Variants in ADGRL3 observed in about 807,000 individuals in gnomAD.
The protein encoded by ADGRL3 is calcium-independent alpha-latrotoxin receptor 3.
Under a neutral mutation model 153.5 loss-of-function variants are expected in ADGRL3, and 62 were observed. The ratio of observed to expected loss-of-function variants is 0.40; its 90% CI spans 0.33 to 0.50. The LOEUF (loss-of-function observed/expected upper bound fraction) is 0.50, where lower values mean the gene tolerates loss of function less well. Among genes scored for constraint, ADGRL3 ranks in the 20% least tolerant of loss-of-function variants. ADGRL3 has a pLI of 0.47. For synonymous variants in ADGRL3, 710 were observed against 672.5 expected (o/e 1.06, Z -0.86); for missense variants, 1,641 against 1,859.4 (o/e 0.88, Z 2.16).
chr4:61,702,141 C>T (rs1200375790), intron 6 of ADGRL3, among the ~76,000 whole-genome samples: 1 of 152,082 alleles, frequency 6.6e-6, no homozygotes, highest in Non-Finnish European at 1.5e-5. Context: ...GAATACCAGG[C>T]CATTCCTGTC....
At chr4:61,327,090 C>T (rs2095480155) in intron 1 of ADGRL3, among the ~76,000 whole-genome samples, 1 of 151,940 alleles carries the variant, frequency 6.6e-6, no homozygotes, top group Admixed American at 6.6e-5. Flanking sequence ...TCACTTCACA[C>T]AAGGCAGAGA....
Position 62,070,877 on chromosome 4 carries a change from A to G in ADGRL3, c.4601A>G (p.Lys1534Arg). 1 of 1,551,044 alleles carries G rather than the reference A, an allele frequency of 6.4e-7. No homozygotes were observed. Among genetic ancestry groups the G allele is most frequent in the South Asian group, 1.2e-5 (1 of 84,004 alleles). The change falls in exon 27 of 27, where the codon AAA becomes AGA. Residue 1534 changes from lysine to arginine, a missense_variant. Physicochemically the swap from Lys to Arg is conservative, Grantham distance 26. Coordinates refer to ENST00000683033, the MANE Select transcript of ADGRL3 (RefSeq NM_001387552.1). The part of the protein sequence containing the change: ...KDGTPPEGSS[K>R]GPAHLVTSL Reference sequence around the variant, plus strand: ...GGGACCCCTCCCGAGGGAAGTTCAAAAGGACCGGCTCATTTGGTCACTAGT... The same window carrying G: ...GGGACCCCTCCCGAGGGAAGTTCAAGAGGACCGGCTCATTTGGTCACTAGT...
At chr4:61,487,897 C>A (rs1426634183) in intron 2 of ADGRL3, among the ~76,000 whole-genome samples, 2 of 151,954 alleles carry the variant, frequency 1.3e-5, no homozygotes, top group Non-Finnish European at 2.9e-5. Context: ...TTGATTTTAA[C>A]ATAATTATTT....
chr4:61,841,958 G>A (rs549388924), intron 9 of ADGRL3, among the ~76,000 whole-genome samples: 3 of 152,264 alleles, frequency 2.0e-5, no homozygotes, highest in South Asian at 2.1e-4. Context: ...GAGCCAGCAG[G>A]GTTGACACCA....
Position 62,012,388 on chromosome 4 carries a change from G to A in ADGRL3, c.3395+14123G>A, listed in dbSNP as rs987444496. Among the ~76,000 whole-genome samples, 5 of 152,086 alleles carry A rather than the reference G, an allele frequency of 3.3e-5. No individual in the cohort carries two copies. In the South Asian group the frequency reaches 6.2e-4, roughly 19 times the overall value. On this transcript the variant is annotated intron_variant, in intron 21 of 26. Coordinates refer to ENST00000683033, the MANE Select transcript of ADGRL3 (RefSeq NM_001387552.1). ...TAATAAGAATAGTTAGTTCATTGAC[G>A]TTTTACTATGTGCTAGGCACTGTTC...
intron 2 of ADGRL3, among the ~76,000 whole-genome samples, chr4:61,391,416 A>T (rs2096800499): frequency 6.6e-6 from 1 of 152,126 alleles, no homozygotes; most frequent in South Asian, 2.1e-4. Flanking sequence ...CACCTCCATG[A>T]CCCAATCACC....
chr4:61,920,996 A>C (rs1383904576), intron 13 of ADGRL3, among the ~76,000 whole-genome samples: 1 of 152,000 alleles, frequency 6.6e-6, no homozygotes, highest in African/African-American at 2.4e-5. Flanking sequence ...ATTTAATAAC[A>C]CAGTGAAATC....
intron 8 of ADGRL3, among the ~76,000 whole-genome samples, chr4:61,740,974 A>G (rs906489610): frequency 6.6e-6 from 1 of 152,208 alleles, no homozygotes; most frequent in Admixed American, 6.5e-5. Context: ...TGTCCTTATA[A>G]TATGCAAATT....
chr4:61,672,882 C>T (rs1326918413), intron 5 of ADGRL3, among the ~76,000 whole-genome samples: 1 of 151,938 alleles, frequency 6.6e-6, no homozygotes, highest in East Asian at 1.9e-4. Context: ...TCTCACGTTC[C>T]TTGCAGTACT....
intron 8 of ADGRL3, among the ~76,000 whole-genome samples, chr4:61,762,701 C>G (rs961924786): frequency 6.6e-6 from 1 of 152,022 alleles, no homozygotes; most frequent in African/African-American, 2.4e-5. Context: ...ACATGAAGCA[C>G]AGGAAATTAT....
intron 3 of ADGRL3, among the ~76,000 whole-genome samples, chr4:61,506,685 C>T (rs896341038): frequency 6.6e-6 from 1 of 152,138 alleles, no homozygotes. Context: ...GATACACCCT[C>T]ACTTTGGTAT....
At chr4:61,235,445 C>T (rs934797585) in intron 1 of ADGRL3, among the ~76,000 whole-genome samples, 2 of 152,216 alleles carry the variant, frequency 1.3e-5, no homozygotes, top group South Asian at 4.1e-4. Flanking sequence ...CAGAATGATA[C>T]TGTAGTGTAT....
At chr4:61,363,889 G>A (rs2151544866) in intron 1 of ADGRL3, among the ~76,000 whole-genome samples, 1 of 152,122 alleles carries the variant, frequency 6.6e-6, no homozygotes, top group African/African-American at 2.4e-5. Flanking sequence ...TTGTAATCGA[G>A]CAGCCTGTGT....
In ADGRL3 at chr4:61,704,206, TC is replaced by T. The variant is rs1159983126; in HGVS notation, c.584-26415del. On this transcript the variant is annotated intron_variant, in intron 6 of 26. Transcript: ENST00000683033. Reference sequence around the variant, plus strand: ...GATTGATTGAAAAAATGTATCAGAGTCTCCCACTTACCAGTAAGTAAATATT... The same window carrying T: ...GATTGATTGAAAAAATGTATCAGAGTTCCCACTTACCAGTAAGTAAATATT... Among the ~76,000 whole-genome samples, 4 of 152,042 alleles carry T rather than the reference TC, an allele frequency of 2.6e-5. No homozygotes were observed. In the East Asian group the frequency reaches 7.7e-4, roughly 29 times the overall value.
chr4:61,862,419 T>C (rs1047794845), intron 9 of ADGRL3, among the ~76,000 whole-genome samples: 18 of 152,204 alleles, frequency 1.2e-4, no homozygotes, highest in African/African-American at 4.3e-4. Flanking sequence ...CATGGCCCAC[T>C]TTTTAACTCG....
At chr4:62,058,920 G>A (rs1738534688) in intron 25 of ADGRL3, among the ~76,000 whole-genome samples, 1 of 152,150 alleles carries the variant, frequency 6.6e-6, no homozygotes. Context: ...GCTAAGGCAA[G>A]AGAAATGCAG....
chr4:61,395,366 A>G (rs139583378), intron 2 of ADGRL3, among the ~76,000 whole-genome samples: 1 of 152,008 alleles, frequency 6.6e-6, no homozygotes, highest in African/African-American at 2.4e-5. Flanking sequence ...ATATGCTTAT[A>G]TGGCTTGTGA....
chr4:61,901,440 A>C (rs1245168384), intron 11 of ADGRL3, among the ~76,000 whole-genome samples: 5 of 152,270 alleles, frequency 3.3e-5, no homozygotes, highest in Admixed American at 3.3e-4. Context: ...TAAATTCCCC[A>C]TTTTATCTTC....
At chr4:61,275,519 G>A (rs563418204) in intron 1 of ADGRL3, among the ~76,000 whole-genome samples, 65 of 152,264 alleles carry the variant, frequency 4.3e-4, no homozygotes, top group African/African-American at 1.3e-3. Flanking sequence ...AGCACTGGGC[G>A]TCTGGTTTTT....
Sources: gnomAD v4.1 joint callset for allele counts (sites outside exome capture counted in the v4.1 genomes callset) on GRCh38, gnomAD v4.1.1 for gene constraint, MANE v1.5 for transcripts, NCBI Gene and HGNC (gene_info 2026-07-23, HGNC 2026-07-21) for gene names.